Variants in PTCHD4 observed in about 807,000 individuals in gnomAD.
PTCHD4 encodes patched domain-containing protein 4.
A neutral mutation model predicts 58.1 loss-of-function variants in PTCHD4; 33 were observed. The ratio of observed to expected loss-of-function variants is 0.57; its 90% CI spans 0.43 to 0.76. The LOEUF is 0.76. PTCHD4 is among the 30% of genes least tolerant of loss of function. PTCHD4 has a pLI of 0.00. For missense variants in PTCHD4, 1,058 were observed against 1,027.1 expected, an observed-to-expected ratio of 1.03 and a Z score of -0.41; for synonymous variants, 478 against 409.6, an observed-to-expected ratio of 1.17 and a Z score of -2.02.
In PTCHD4 at chr6:48,009,209, T is replaced by C. The variant is rs1246478362; in HGVS notation, c.418-95A>G. 9 of 1,298,470 alleles carry C rather than the reference T, an allele frequency of 6.9e-6. No homozygotes were observed. The Middle Eastern group carries it at 6.6e-4, about 95-fold the overall frequency. 80.4% of individuals were successfully genotyped at this position (1,298,470 alleles called of 1,614,324 possible). ...TGAAGGAGCACAAGGAAGGCAGAGA[T>C]AGGTGCTAGTAATTGTGAAACTGAT... On this transcript the variant is annotated intron_variant, in intron 3 of 4. Coordinates refer to ENST00000339488, the MANE Select transcript of PTCHD4 (RefSeq NM_001384253.1).
intron 4 of PTCHD4, among the ~76,000 whole-genome samples, chr6:47,905,470 G>C (rs1460990945): frequency 6.6e-6 from 1 of 152,138 alleles, no homozygotes; most frequent in Non-Finnish European, 1.5e-5. Flanking sequence ...TATATTGAGA[G>C]TAGCAAAGAG....
chr6:47,950,614 A>T (rs1766606443), intron 4 of PTCHD4, among the ~76,000 whole-genome samples: 1 of 152,084 alleles, frequency 6.6e-6, no homozygotes, highest in South Asian at 2.1e-4. Context: ...GATTTTGGGG[A>T]AGTTAGTTTT....
Position 47,879,200 on chromosome 6 carries a change from C to A in PTCHD4, c.1635G>T (p.Val545=). Residue 545 remains valine (V), a synonymous_variant, in exon 5 of 5, where the codon GTG becomes GTT. Coordinates refer to ENST00000339488, the MANE Select transcript of PTCHD4 (RefSeq NM_001384253.1). ...LRRLCSGFTA[V]SWVEQYYQFL... is the part of the protein sequence containing the mutation. ...ACTGGTAGTACTGCTCCACCCAGGA[C>A]ACTGCAGTGAATCCACTACAGAGTC... 1 of 1,612,776 alleles carries A rather than the reference C, an allele frequency of 6.2e-7. No homozygotes were observed. Among genetic ancestry groups the A allele is most frequent in the Non-Finnish European group, 8.5e-7 (1 of 1,179,696 alleles).
rs528926481 is a variant in PTCHD4, at chr6:47,875,824, G to C, written c.*2479C>G. 1.3e-5 allele frequency among the ~76,000 whole-genome samples: 2 copies of C among 151,780 alleles called. No homozygotes were observed. Among genetic ancestry groups the C allele is most frequent in the Admixed American group, 6.6e-5 (1 of 15,196 alleles). Reference sequence around the variant, plus strand: ...TGATTCTTTCCCTGTAAATCAGCCTGCCATTCTTCTTTGCATGCAGAATGG... The same window carrying C: ...TGATTCTTTCCCTGTAAATCAGCCTCCCATTCTTCTTTGCATGCAGAATGG... On this transcript the variant is annotated 3_prime_UTR_variant, in exon 5 of 5. Transcript: ENST00000339488.
chr6:47,879,661 G>T lies in PTCHD4; in HGVS notation c.1174C>A (p.Gln392Lys), dbSNP rs146567702. The T allele has an allele frequency of 1.2e-6, 2 of 1,613,430 alleles. No individual in the cohort carries two copies. Among genetic ancestry groups the T allele is most frequent in the Non-Finnish European group, 1.7e-6 (2 of 1,179,704 alleles). ...CTGTGGTAGCGGTTTTGCTCTAGTT[G>T]GCCAGCAAAGACCAGACAGGAGCCA... ...FFGSCLVFAG[Q>K]LEQNRYHSIF... The change falls in exon 5 of 5, where the codon CAA becomes AAA. Residue 392 changes from glutamine to lysine, a missense_variant. Physicochemically the swap from Gln to Lys is moderately conservative, Grantham distance 53. Coordinates refer to ENST00000339488, the MANE Select transcript of PTCHD4 (RefSeq NM_001384253.1).
At chr6:47,880,595 C>A (rs1258557446) in intron 4 of PTCHD4, among the ~76,000 whole-genome samples, 1 of 152,018 alleles carries the variant, frequency 6.6e-6, no homozygotes, top group African/African-American at 2.4e-5. Context: ...AAAATCTTAG[C>A]AAGCACTTCC....
At chr6:48,084,391 A>G (rs904343680) in intron 1 of PTCHD4, among the ~76,000 whole-genome samples, 5 of 152,238 alleles carry the variant, frequency 3.3e-5, no homozygotes, top group African/African-American at 1.2e-4. Context: ...ATTCCTTTGC[A>G]CTTTCATCAT....
chr6:48,076,898 G>C (rs745780483), intron 1 of PTCHD4, among the ~76,000 whole-genome samples: 4 of 152,188 alleles, frequency 2.6e-5, no homozygotes, highest in Non-Finnish European at 4.4e-5. Context: ...ATGAGTGGTT[G>C]AAGTATGGCT....
chr6:48,014,255 A>G (rs75443396), intron 3 of PTCHD4, among the ~76,000 whole-genome samples: 8,369 of 152,234 alleles, frequency 0.055, 302 homozygotes, highest in African/African-American at 0.087. Context: ...GTTCTGAGAA[A>G]TACACTTTTG....
rs111803730 is a variant in PTCHD4 at position 47,969,424 on chromosome 6, T to A, written c.898+39210A>T. ...CACCAGCAGGCATCGCCTGAGAAAA[T>A]CTGAAAAATTATTTGTTGCATTTTT... On this transcript the variant is annotated intron_variant, in intron 4 of 4. Transcript: ENST00000339488. Among the ~76,000 whole-genome samples, 1,294 of 152,334 alleles carry A rather than the reference T, an allele frequency of 8.5e-3. 13 individuals carry two copies. Among genetic ancestry groups the A allele is most frequent in the South Asian group, 0.034 (163 of 4,828 alleles).
chr6:48,018,089 C>T (rs1762927136), intron 3 of PTCHD4, among the ~76,000 whole-genome samples: 1 of 152,196 alleles, frequency 6.6e-6, no homozygotes. Flanking sequence ...AAATAAAATG[C>T]TTGAATGATA....
chr6:47,981,454 T>C (rs2114010505), intron 4 of PTCHD4, among the ~76,000 whole-genome samples: 1 of 152,292 alleles, frequency 6.6e-6, no homozygotes, highest in South Asian at 2.1e-4. Context: ...TTTGTGGTCA[T>C]TTTTCACATT....
chr6:48,104,938 C>A (rs1765687430), intron 1 of PTCHD4, among the ~76,000 whole-genome samples: 1 of 152,030 alleles, frequency 6.6e-6, no homozygotes, highest in Admixed American at 6.6e-5. Flanking sequence ...ACAGGAGCAC[C>A]CAGATTCATA....
chr6:47,865,112 A>C lies in PTCHD4; in HGVS notation c.*13191T>G, dbSNP rs1763524855. Among the ~76,000 whole-genome samples the C allele has an allele frequency of 6.6e-6, 1 of 151,928 alleles. No homozygotes were observed. Among genetic ancestry groups the C allele is most frequent in the African/African-American group, 2.4e-5 (1 of 41,400 alleles). ...ATTAAATTGATGTTTATATATGTAG[A>C]TTAATCTAGATACTATTGTAGTGTC... On this transcript the variant is annotated 3_prime_UTR_variant, in exon 5 of 5. Coordinates refer to ENST00000339488, the MANE Select transcript of PTCHD4 (RefSeq NM_001384253.1).
chr6:48,063,737 T>C (rs763860259), intron 3 of PTCHD4, among the ~76,000 whole-genome samples: 17 of 152,320 alleles, frequency 1.1e-4, no homozygotes, highest in South Asian at 4.1e-4. Flanking sequence ...AAGGTAGTGA[T>C]GTTTTACTCA....
Position 48,103,541 on chromosome 6 carries a change from G to A in PTCHD4, c.-970+7508C>T, listed in dbSNP as rs185152433. Among the ~76,000 whole-genome samples the A allele has an allele frequency of 6.0e-3, 921 of 152,296 alleles. 9 individuals are homozygous for A. Among genetic ancestry groups the A allele is most frequent in the African/African-American group, 0.019 (799 of 41,566 alleles). On this transcript the variant is annotated intron_variant, in intron 1 of 4. Transcript: ENST00000339488. ...AACCAGAAACTCTAAAAATCAGAGCGCCTCTCCTCCTCCAAAGGAACGCAG... is the reference window on the plus strand; with the variant it reads ...AACCAGAAACTCTAAAAATCAGAGCACCTCTCCTCCTCCAAAGGAACGCAG...
chr6:47,897,696 G>A (rs548639057), intron 4 of PTCHD4, among the ~76,000 whole-genome samples: 8 of 152,242 alleles, frequency 5.3e-5, no homozygotes, highest in African/African-American at 1.7e-4. Context: ...GCAACACTGT[G>A]CTTTTATTTA....
At chr6:48,017,802 C>G (rs1031663344) in intron 3 of PTCHD4, among the ~76,000 whole-genome samples, 2 of 152,108 alleles carry the variant, frequency 1.3e-5, no homozygotes, top group Non-Finnish European at 2.9e-5. Flanking sequence ...ACACAACTGC[C>G]CATATATTTG....
chr6:47,884,006 A>G (rs552537798), intron 4 of PTCHD4, among the ~76,000 whole-genome samples: 45 of 152,332 alleles, frequency 3.0e-4, no homozygotes, highest in Non-Finnish European at 2.9e-5. Flanking sequence ...ATTATTCCAG[A>G]ATCCCGTAAC....
Sources: allele counts gnomAD v4.1 joint callset (sites outside exome capture counted in the v4.1 genomes callset), GRCh38; gene constraint gnomAD v4.1.1; transcripts MANE v1.5; gene names NCBI Gene and HGNC (gene_info 2026-07-23, HGNC 2026-07-21).